The following CAMTA1 variants were observed in gnomAD, a reference collection of about 807,000 sequenced individuals.
CAMTA1 encodes the protein calmodulin binding transcription activator 1.
CAMTA1 carries 27 observed loss-of-function variants against 170.9 expected under a neutral mutation model. The observed-to-expected ratio is 0.16, with a 90% CI of 0.12 to 0.22. The LOEUF is 0.22. Among genes scored for constraint, CAMTA1 ranks in the 10% least tolerant of loss-of-function variants. CAMTA1 has a pLI of 1.00. For missense variants in CAMTA1, 1,619 were observed against 2,217.2 expected, an observed-to-expected ratio of 0.73 and a Z score of 5.42; for synonymous variants, 833 against 891.5, an observed-to-expected ratio of 0.93 and a Z score of 1.17.
At chr1:7,632,424 C>A (rs1254810635) in intron 6 of CAMTA1, among the ~76,000 whole-genome samples, 1 of 152,214 alleles carries the variant, frequency 6.6e-6, no homozygotes, top group African/African-American at 2.4e-5. Context: ...TTCATGAGAA[C>A]TGGCACGAGA....
At chr1:7,236,514 G>A (rs1168036582) in intron 4 of CAMTA1, among the ~76,000 whole-genome samples, 1 of 152,252 alleles carries the variant, frequency 6.6e-6, no homozygotes, top group African/African-American at 2.4e-5. Flanking sequence ...CAAGACATCA[G>A]GAGGGGGTGC....
chr1:7,052,883 T>G (rs1346581658), intron 3 of CAMTA1, among the ~76,000 whole-genome samples: 2 of 152,136 alleles, frequency 1.3e-5, no homozygotes, highest in African/African-American at 4.8e-5. Context: ...GGCCGTCCCC[T>G]CTTATCCCTC....
chr1:7,413,084 C>G (rs1575179927), intron 5 of CAMTA1, among the ~76,000 whole-genome samples: 2 of 150,748 alleles, frequency 1.3e-5, no homozygotes, highest in South Asian at 4.2e-4. Context: ...AGCATTATTT[C>G]TGAGGGCTCT....
chr1:7,390,969 G>A (rs2088638596), intron 5 of CAMTA1, among the ~76,000 whole-genome samples: 1 of 152,182 alleles, frequency 6.6e-6, no homozygotes, highest in Non-Finnish European at 1.5e-5. Flanking sequence ...TCCTGGGACT[G>A]GGGACAGGTT....
At chr1:7,429,647 A>G (rs912924387) in intron 5 of CAMTA1, among the ~76,000 whole-genome samples, 3 of 152,090 alleles carry the variant, frequency 2.0e-5, no homozygotes, top group Admixed American at 6.6e-5. Flanking sequence ...GATGGTGATG[A>G]CAGTGCTGAT....
chr1:7,683,546 C>T (rs1449613061), intron 11 of CAMTA1, among the ~76,000 whole-genome samples: 2 of 152,112 alleles, frequency 1.3e-5, no homozygotes, highest in Non-Finnish European at 2.9e-5. Flanking sequence ...CCCACCCCAC[C>T]GAGAGCTTTC....
At chr1:7,176,594 C>T (rs1456061366) in intron 4 of CAMTA1, among the ~76,000 whole-genome samples, 2 of 152,172 alleles carry the variant, frequency 1.3e-5, no homozygotes. Context: ...ACAGCTCGTT[C>T]GCACTTTTTC....
At chr1:6,795,141 A>G (rs1642176251) in intron 1 of CAMTA1, among the ~76,000 whole-genome samples, 1 of 152,190 alleles carries the variant, frequency 6.6e-6, no homozygotes, top group Non-Finnish European at 1.5e-5. Flanking sequence ...TTAGAGACAC[A>G]ACTAGTCATC....
At chr1:7,358,788 G>A (rs982966909) in intron 5 of CAMTA1, among the ~76,000 whole-genome samples, 3 of 152,168 alleles carry the variant, frequency 2.0e-5, no homozygotes, top group African/African-American at 7.2e-5. Context: ...ACCTAATGAG[G>A]CCTTGGAGTC....
At chr1:7,418,834 C>A (rs912763174) in intron 5 of CAMTA1, among the ~76,000 whole-genome samples, 2 of 152,208 alleles carry the variant, frequency 1.3e-5, no homozygotes, top group Non-Finnish European at 2.9e-5. Flanking sequence ...CCACTCAGTG[C>A]AGCCTGTTGG....
intron 1 of CAMTA1, among the ~76,000 whole-genome samples, chr1:6,792,436 A>G (rs1448426478): frequency 6.6e-6 from 1 of 151,088 alleles, no homozygotes; most frequent in East Asian, 1.9e-4. Flanking sequence ...GTAGAAGGTC[A>G]TGGGCCTCCT....
intron 6 of CAMTA1, among the ~76,000 whole-genome samples, chr1:7,551,283 A>T (rs1048751446): frequency 7.4e-6 from 1 of 134,924 alleles, no homozygotes; most frequent in African/African-American, 3.1e-5. Context: ...GGGCCAAAGG[A>T]CATGTGTGCG....
chr1:7,147,623 ACACT>A (rs1292298895), intron 4 of CAMTA1, among the ~76,000 whole-genome samples: 1 of 151,752 alleles, frequency 6.6e-6, no homozygotes, highest in Admixed American at 6.6e-5. Flanking sequence ...CATCACACAC[ACACT>A]CAAACATACA....
intron 3 of CAMTA1, among the ~76,000 whole-genome samples, chr1:6,904,733 ATTTTTTT>A (rs70984036): frequency 0.012 from 852 of 71,046 alleles, 13 homozygotes; most frequent in African/African-American, 0.045. Context: ...TGCCCAGCTA[ATTTTTTT>A]TTTTTTTTTT....
intron 5 of CAMTA1, among the ~76,000 whole-genome samples, chr1:7,438,014 C>G (rs1557712693): frequency 6.6e-6 from 1 of 152,182 alleles, no homozygotes; most frequent in Non-Finnish European, 1.5e-5. Flanking sequence ...TCACAGAGGG[C>G]CTTGCTGAGA....
At chr1:7,556,644 C>G (rs1266429763) in intron 6 of CAMTA1, among the ~76,000 whole-genome samples, 1 of 152,204 alleles carries the variant, frequency 6.6e-6, no homozygotes, top group Non-Finnish European at 1.5e-5. Flanking sequence ...CCACCCCACG[C>G]TCCAGACACA....
chr1:7,359,679 C>A (rs1459731638), intron 5 of CAMTA1, among the ~76,000 whole-genome samples: 1 of 152,176 alleles, frequency 6.6e-6, no homozygotes, highest in African/African-American at 2.4e-5. Flanking sequence ...GCCAGTGGAC[C>A]ATACCCAGAT....
intron 4 of CAMTA1, among the ~76,000 whole-genome samples, chr1:7,138,846 T>G (rs1645698414): frequency 6.6e-6 from 1 of 151,744 alleles, no homozygotes; most frequent in African/African-American, 2.4e-5. Context: ...AATACAAAAA[T>G]TAGCTGGGTT....
intron 3 of CAMTA1, among the ~76,000 whole-genome samples, chr1:6,851,343 A>G (rs1660298459): frequency 6.6e-6 from 1 of 152,136 alleles, no homozygotes; most frequent in African/African-American, 2.4e-5. Flanking sequence ...TAGAAAACAA[A>G]TGTTCAGAAT....
Sources: allele counts gnomAD v4.1 joint callset (sites outside exome capture counted in the v4.1 genomes callset), GRCh38; gene constraint gnomAD v4.1.1; transcripts MANE v1.5; gene names NCBI Gene and HGNC (gene_info 2026-07-23, HGNC 2026-07-21).